Variants in PPP1R21 observed in about 807,000 individuals in gnomAD.
PPP1R21 encodes protein phosphatase 1 regulatory subunit 21.
Under a neutral mutation model 112.8 loss-of-function variants are expected in PPP1R21, and 85 were observed. The observed-to-expected ratio is 0.75, with a 90% CI of 0.63 to 0.90. The LOEUF is 0.90. Ranked by LOEUF, PPP1R21 falls within the 40% of genes least tolerant of loss-of-function variation. The pLI is 0.00. For missense variants in PPP1R21, 1,199 were observed against 901.5 expected (o/e 1.33, Z -4.23); for synonymous variants, 381 against 322.3 (o/e 1.18, Z -1.95).
chr2:48,446,183 A>G (rs1456766232), intron 1 of PPP1R21, among the ~76,000 whole-genome samples: 1 of 152,264 alleles, frequency 6.6e-6, no homozygotes, highest in African/African-American at 2.4e-5. Flanking sequence ...GAGAAAATGC[A>G]TATGAATGAT....
chr2:48,484,101 C>T (rs886642081), intron 13 of PPP1R21, among the ~76,000 whole-genome samples: 2 of 152,242 alleles, frequency 1.3e-5, no homozygotes, highest in African/African-American at 4.8e-5. Context: ...CCCACACATT[C>T]CTTTCAGAAC....
chr2:48,460,219 T>A, intron 6 of PPP1R21, 66 bp downstream of exon 6: 1 of 1,461,392 alleles, frequency 6.8e-7, no homozygotes, highest in South Asian at 1.2e-5. Flanking sequence ...GTTTTGGTTG[T>A]AGCAGCTCCT....
At chr2:48,504,642 G>GAAAC (rs71399059) in intron 17 of PPP1R21, among the ~76,000 whole-genome samples, 2 of 151,080 alleles carry the variant, frequency 1.3e-5, no homozygotes, top group Non-Finnish European at 3.0e-5. Context: ...CTCTGTCTCA[G>GAAAC]AAACAAACAA....
At chr2:48,481,549 C>G (rs1669011754) in intron 13 of PPP1R21, among the ~76,000 whole-genome samples, 1 of 152,188 alleles carries the variant, frequency 6.6e-6, no homozygotes, top group African/African-American at 2.4e-5. Flanking sequence ...ACAAGTACCT[C>G]TGTGGCTACA....
At chr2:48,471,609 T>C (rs1041772735) in intron 11 of PPP1R21, among the ~76,000 whole-genome samples, 7 of 152,246 alleles carry the variant, frequency 4.6e-5, no homozygotes, top group Non-Finnish European at 8.8e-5. Flanking sequence ...GTTACCATTA[T>C]CATCCCTTTG....
chr2:48,481,951 C>A (rs944063906), intron 13 of PPP1R21, among the ~76,000 whole-genome samples: 2 of 152,166 alleles, frequency 1.3e-5, no homozygotes, highest in African/African-American at 2.4e-5. Flanking sequence ...TACCTTCAGG[C>A]TATATGTATA....
intron 13 of PPP1R21, among the ~76,000 whole-genome samples, chr2:48,483,104 A>G (rs1192477527): frequency 1.3e-5 from 2 of 152,072 alleles, no homozygotes; most frequent in East Asian, 1.9e-4. Context: ...TGTACCTGCA[A>G]AGGACATGAT....
intron 7 of PPP1R21, among the ~76,000 whole-genome samples, chr2:48,463,838 AGT>A: frequency 6.6e-6 from 1 of 151,502 alleles, no homozygotes; most frequent in East Asian, 2.0e-4. Context: ...GAGGGTGGGG[AGT>A]GTAAGAACTC....
intron 12 of PPP1R21, 44 bp from the exon 13 acceptor site, chr2:48,479,880 C>A (rs1668929657): frequency 1.7e-6 from 2 of 1,192,468 alleles, no homozygotes; most frequent in South Asian, 2.4e-5. Flanking sequence ...ATGGGCAGTC[C>A]ATTTTTCAGG....
chr2:48,486,995 T>C (rs1208601378), intron 14 of PPP1R21, among the ~76,000 whole-genome samples: 1 of 152,218 alleles, frequency 6.6e-6, no homozygotes, highest in Non-Finnish European at 1.5e-5. Context: ...CAGGGGAGTC[T>C]CCTGGGTGGC....
At chr2:48,506,874 A>C (rs1670402842) in intron 18 of PPP1R21, among the ~76,000 whole-genome samples, 1 of 147,802 alleles carries the variant, frequency 6.8e-6, no homozygotes, top group African/African-American at 2.5e-5. Flanking sequence ...TGAACCTGGG[A>C]GGCGGAGCTT....
intron 2 of PPP1R21, 147 bp downstream of exon 2, chr2:48,451,223 A>T: frequency 1.6e-6 from 1 of 619,758 alleles, no homozygotes; most frequent in Non-Finnish European, 2.9e-6. Flanking sequence ...TTTGTGGTTA[A>T]TTTTCCTACT....
rs550955181 is a variant in PPP1R21 at position 48,458,874 on chromosome 2, C to T, written c.375+647C>T. Reference sequence around the variant, plus strand: ...TTGGGAGGCCAAGGTGGGCGGATCACGAGGTCAGGAGATCGAGACCATCCT... The same window carrying T: ...TTGGGAGGCCAAGGTGGGCGGATCATGAGGTCAGGAGATCGAGACCATCCT... On this transcript the variant is annotated intron_variant, in intron 4 of 21. Transcript: ENST00000294952. 1.1e-4 allele frequency among the ~76,000 whole-genome samples: 17 copies of T among 152,080 alleles called. No individual in the cohort carries two copies. In the South Asian group the frequency reaches 1.2e-3, roughly 11 times the overall value.
At chr2:48,508,608 TCCAGCA>T (rs1670492058) in intron 19 of PPP1R21, among the ~76,000 whole-genome samples, 1 of 152,208 alleles carries the variant, frequency 6.6e-6, no homozygotes, top group African/African-American at 2.4e-5. Context: ...AAGCCGGCAG[TCCAGCA>T]GGCATGGATC....
At chr2:48,465,664 T>G in intron 9 of PPP1R21, 22 bp downstream of exon 9, 1 of 1,607,078 alleles carries the variant, frequency 6.2e-7, no homozygotes, top group Non-Finnish European at 8.5e-7. Context: ...TCAGGATACA[T>G]TTTGTTTGCC....
intron 1 of PPP1R21, among the ~76,000 whole-genome samples, chr2:48,443,463 A>G (rs139035895): frequency 6.6e-6 from 1 of 152,332 alleles, no homozygotes; most frequent in African/African-American, 2.4e-5. Context: ...AAAGGCTAGC[A>G]CTTTTGGAGT....
At chr2:48,458,984 T>C (rs993456554) in intron 4 of PPP1R21, among the ~76,000 whole-genome samples, 6 of 149,586 alleles carry the variant, frequency 4.0e-5, no homozygotes, top group Non-Finnish European at 8.9e-5. Context: ...CCCAGCTACT[T>C]GGGAGGCTGA....
intron 14 of PPP1R21, among the ~76,000 whole-genome samples, chr2:48,487,957 C>A (rs1017739805): frequency 1.3e-5 from 2 of 152,070 alleles, no homozygotes; most frequent in African/African-American, 4.8e-5. Flanking sequence ...GCAGACTCAG[C>A]ATGACTTCCA....
At chr2:48,482,413 G>T (rs1189518810) in intron 13 of PPP1R21, among the ~76,000 whole-genome samples, 4 of 152,168 alleles carry the variant, frequency 2.6e-5, no homozygotes, top group African/African-American at 9.7e-5. Context: ...CAGACCCAGA[G>T]CTTATATCTT....
Sources: allele counts gnomAD v4.1 joint callset (sites outside exome capture counted in the v4.1 genomes callset), GRCh38; gene constraint gnomAD v4.1.1; transcripts MANE v1.5; gene names NCBI Gene and HGNC (gene_info 2026-07-23, HGNC 2026-07-21).